The following PTCH1 variants were observed in gnomAD, a reference collection of about 807,000 sequenced individuals.
The protein encoded by PTCH1 is patched 1, also known as protein patched homolog 1.
PTCH1 carries 14 observed loss-of-function variants against 144.6 expected under a neutral mutation model. That is an observed-to-expected ratio of 0.10 (90% CI 0.06 to 0.15). PTCH1 has a LOEUF of 0.15. Among genes scored for constraint, PTCH1 ranks in the 10% least tolerant of loss-of-function variants. The pLI, the probability that PTCH1 is intolerant of heterozygous loss-of-function variation, is 1.00. For synonymous variants in PTCH1, 833 were observed against 793.6 expected, an observed-to-expected ratio of 1.05 and a Z score of -0.83; for missense variants, 1,623 against 1,948.3, an observed-to-expected ratio of 0.83 and a Z score of 3.14.
chr9:95,477,279 A>T (rs891032209), intron 10 of PTCH1, among the ~76,000 whole-genome samples: 2 of 152,190 alleles, frequency 1.3e-5, no homozygotes, highest in African/African-American at 4.8e-5. Flanking sequence ...ACCAGAGCTG[A>T]AGAGCCACAA....
At chr9:95,509,557 C>T (rs1844032637), upstream of PTCH1, among the ~76,000 whole-genome samples, 1 of 152,238 alleles carries the variant, frequency 6.6e-6, no homozygotes, top group South Asian at 2.1e-4. Context: ...TATTCCTTTT[C>T]TTTTCAACAG....
intron 2 of PTCH1, chr9:95,495,213 C>T (rs1369028454): frequency 6.6e-6 from 1 of 152,172 alleles, no homozygotes; most frequent in Admixed American, 6.5e-5. Context: ...AGTTTCATCA[C>T]CGGGTCAGCA....
At position 95,459,736 on chromosome 9, in the gene PTCH1, G is replaced by A. The variant is rs768127089; in HGVS notation, c.2751C>T (p.Ser917=). The change falls in exon 17 of 24, where the codon AGC becomes AGT. Residue 917 remains serine, a synonymous_variant. Coordinates refer to ENST00000331920, the MANE Select transcript of PTCH1 (RefSeq NM_000264.5). ...AAGCCGTCAGGTAGATGTAGAAAGC[G>A]CTGGGATTAATGATGCCATCTGCAT... ...LVDADGIINP[S]AFYIYLTAWV... is the part of the protein sequence containing the mutation. 5.3e-5 allele frequency: 86 copies of A among 1,614,096 alleles called. No individual in the cohort carries two copies. Among genetic ancestry groups the A allele is most frequent in the Non-Finnish European group, 6.1e-5 (72 of 1,180,048 alleles).
chr9:95,462,930 C>T (rs1368969812), intron 15 of PTCH1, among the ~76,000 whole-genome samples: 1 of 152,140 alleles, frequency 6.6e-6, no homozygotes, highest in East Asian at 1.9e-4. Context: ...AAAACAGGGC[C>T]CCGGTGACCC....
At chr9:95,493,191 G>T (rs1471154143) in intron 2 of PTCH1, among the ~76,000 whole-genome samples, 1 of 152,206 alleles carries the variant, frequency 6.6e-6, no homozygotes, top group African/African-American at 2.4e-5. Flanking sequence ...GTAGACAAGA[G>T]ATGTTTCCCT....
In PTCH1 at chr9:95,449,027, C is replaced by T. The variant is rs778808208; in HGVS notation, c.3804+42G>A. 17 of 1,611,704 alleles carry T rather than the reference C, an allele frequency of 1.1e-5. No homozygotes were observed. The highest frequency in any genetic ancestry group is 2.2e-5 in the South Asian group (2 of 90,998). ...CGCTGGACCTCCAGGCCCACTACCA[C>T]GGTGGGAAGACCCCTCCCCCTGGTT... On this transcript the variant is annotated intron_variant, in intron 22 of 23. Coordinates refer to ENST00000331920, the MANE Select transcript of PTCH1 (RefSeq NM_000264.5). This position sits in a 1 kb window ranked among gnomAD's most constrained non-coding sequence, Gnocchi z 5.3.
chr9:95,454,841 C>T (rs1048556453), intron 19 of PTCH1, among the ~76,000 whole-genome samples: 2 of 152,232 alleles, frequency 1.3e-5, no homozygotes, highest in Non-Finnish European at 2.9e-5. Context: ...GATCAGAATA[C>T]TGAAAATGAC....
intron 22 of PTCH1, among the ~76,000 whole-genome samples, 167 bp downstream of exon 22, chr9:95,448,902 G>C (rs1410485150): frequency 6.6e-6 from 1 of 152,222 alleles, no homozygotes; most frequent in East Asian, 1.9e-4. Flanking sequence ...AGTTGAGAAA[G>C]AGTTAAATAC....
upstream of PTCH1, among the ~76,000 whole-genome samples, chr9:95,510,682 T>C (rs919033654): frequency 4.7e-5 from 7 of 149,056 alleles, no homozygotes; most frequent in African/African-American, 1.7e-4. Context: ...TCTAGTGAAG[T>C]CGTGAAATGG....
rs933654875 is a variant in PTCH1 at position 95,447,254 on chromosome 9, G to A, written c.4002C>T (p.Ser1334=). 2.5e-6 allele frequency: 4 copies of A among 1,612,838 alleles called. No homozygotes were observed. In the African/African-American group the frequency reaches 5.3e-5, roughly 22 times the overall value. The change falls in exon 23 of 24, where the codon AGC becomes AGT. Residue 1334 remains serine, a synonymous_variant. Coordinates refer to ENST00000331920, the MANE Select transcript of PTCH1 (RefSeq NM_000264.5). The part of the protein sequence containing the change: ...EISTEGHSGP[S]NRARWGPRGA... The stretch of plus-strand genomic sequence containing the variant: ...CGCGAGGGCCCCAGCGGGCCCTATT[G>A]CTAGGGCCAGAATGCCCTTCAGTAG...
chr9:95,463,925 C>T (rs891440697), intron 15 of PTCH1, among the ~76,000 whole-genome samples: 1 of 152,198 alleles, frequency 6.6e-6, no homozygotes, highest in African/African-American at 2.4e-5. Flanking sequence ...GTAAGACAAG[C>T]AGGTTCAACT....
rs587780709 is a variant in PTCH1 at position 95,482,142 on chromosome 9, T to G, written c.646A>C (p.Met216Leu). 2 of 1,614,158 alleles carry G rather than the reference T, an allele frequency of 1.2e-6. No homozygotes were observed. The highest frequency in any genetic ancestry group is 1.3e-5 in the African/African-American group (1 of 75,070). The change falls in exon 4 of 24, where the codon ATG becomes CTG. Residue 216 changes from methionine to leucine, a missense_variant. This residue lies in a region of PTCH1 where 39 missense variants were observed against 75.6 expected (regional missense o/e 0.52). Coordinates refer to ENST00000331920, the MANE Select transcript of PTCH1 (RefSeq NM_000264.5). ...ACAAGAAGAAAATATACCTGATCCA[T>G]GTAACCTGTTTCTGTGATAAGCTCT... ...SGELITETGYMDQIIEYLYPC... is the reference protein window; with the variant it reads ...SGELITETGYLDQIIEYLYPC...
In PTCH1 at chr9:95,445,137, G is replaced by A. The variant is rs187832324; in HGVS notation, c.*1256C>T. ...CTCACCACTTAGTTTTAAAGAAGAT[G>A]CAAACAGATCTAGAAAGCCTCAACC... On this transcript the variant is annotated 3_prime_UTR_variant, in exon 24 of 24. Transcript: ENST00000331920. The A allele has an allele frequency of 6.6e-6, 1 of 152,332 alleles. No homozygotes were observed. Among genetic ancestry groups the A allele is most frequent in the Admixed American group, 6.5e-5 (1 of 15,296 alleles). The allele number at this position is 152,332 out of a possible 1,614,324, so 9.4% of individuals were successfully genotyped here.
intron 18 of PTCH1, among the ~76,000 whole-genome samples, chr9:95,456,999 T>C (rs1392614996): frequency 6.6e-6 from 1 of 152,206 alleles, no homozygotes; most frequent in Non-Finnish European, 1.5e-5. Context: ...CAGCTGACGC[T>C]GTCAGGTTAC....
rs2118039182 is a variant in PTCH1, at chr9:95,468,918, C to T, written c.2083G>A (p.Asp695Asn). ...ISVQPVTVTQ[D>N]TLSCQSPEST... is the part of the protein sequence containing the mutation. ...TCTGGGCTCTGGCAGCTGAGGGTGT[C>T]CTGTGTCACGGTGACGGGCTGCACA... The change falls in exon 14 of 24, where the codon GAC becomes AAC. Residue 695 changes from aspartate (D) to asparagine (N), a missense_variant. By Grantham distance (23) the Asp-to-Asn change is conservative (BLOSUM62 1). Around this residue, in one of 7 missense-constraint regions of PTCH1, gnomAD observed 179 missense variants for 165.7 expected, o/e 1.08. Coordinates refer to ENST00000331920, the MANE Select transcript of PTCH1 (RefSeq NM_000264.5). 1 of 1,614,008 alleles carries T rather than the reference C, an allele frequency of 6.2e-7. No homozygotes were observed. The highest frequency in any genetic ancestry group is 1.3e-5 in the African/African-American group (1 of 74,964).
chr9:95,515,592 TGG>T (rs747007372), intron 1 of PTCH1, among the ~76,000 whole-genome samples: 1 of 152,302 alleles, frequency 6.6e-6, no homozygotes, highest in South Asian at 2.1e-4. Context: ...CTGGGGGTCT[TGG>T]GGTTCAGCGC....
At chr9:95,459,073 C>T (rs1839222984) in intron 17 of PTCH1, among the ~76,000 whole-genome samples, 1 of 152,168 alleles carries the variant, frequency 6.6e-6, no homozygotes, top group Non-Finnish European at 1.5e-5. Context: ...GAAATCCACA[C>T]AGAACCACCT....
At chr9:95,504,299 T>C (rs1843385469) in intron 2 of PTCH1, among the ~76,000 whole-genome samples, 1 of 152,156 alleles carries the variant, frequency 6.6e-6, no homozygotes, top group South Asian at 2.1e-4. Context: ...ACTACACAAC[T>C]GGCAGCTCCC....
In PTCH1 at chr9:95,478,049, C is replaced by A. The variant is rs372655486; in HGVS notation, c.1347+6G>T. On this transcript the variant is annotated splice_donor_region_variant and intron_variant, in intron 9 of 23. Coordinates refer to ENST00000331920, the MANE Select transcript of PTCH1 (RefSeq NM_000264.5). Reference sequence around the variant, plus strand: ...CAGCCCCCAGGAGCATGGCATCGAGCGTTACCATGAGTAAGTAGCCGCTGG... The same window carrying A: ...CAGCCCCCAGGAGCATGGCATCGAGAGTTACCATGAGTAAGTAGCCGCTGG... The A allele has an allele frequency of 2.5e-5, 40 of 1,614,144 alleles. No individual in the cohort carries two copies. In the South Asian group the frequency reaches 4.4e-4, roughly 18 times the overall value.
Sources: allele counts gnomAD v4.1 joint callset (sites outside exome capture counted in the v4.1 genomes callset), GRCh38; gene constraint gnomAD v4.1.1; regional missense constraint gnomAD v4.1.1; non-coding constraint Gnocchi (gnomAD v3.1); transcripts MANE v1.5; gene names NCBI Gene and HGNC (gene_info 2026-07-23, HGNC 2026-07-21).